Variants in CD79A observed in about 807,000 individuals in gnomAD.
CD79A encodes the protein CD79a molecule.
CD79A carries 16 observed loss-of-function variants against 27.4 expected under a neutral mutation model. The ratio of observed to expected loss-of-function variants is 0.58; its 90% CI spans 0.40 to 0.89. The LOEUF (loss-of-function observed/expected upper bound fraction) is 0.89, where lower values mean the gene tolerates loss of function less well. CD79A is among the 40% of genes least tolerant of loss of function. The pLI, the probability that CD79A is intolerant of heterozygous loss-of-function variation, is 0.00. For missense variants in CD79A, 237 were observed against 299.7 expected, an observed-to-expected ratio of 0.79 and a Z score of 1.55; for synonymous variants, 110 against 132.7, an observed-to-expected ratio of 0.83 and a Z score of 1.18.
Position 41,879,652 on chromosome 19 carries a change from G to C in CD79A, c.497G>C (p.Arg166Thr). ...GTGCCTGGGACGCTGCTGCTGTTCA[G>C]GGTGAGCCCCCTCGGACCTCTGAGT... ...AVVPGTLLLF[R>T]KRWQNEKLGL... The change falls in exon 3 of 5, where the codon AGG becomes ACG. Residue 166 changes from arginine (R) to threonine (T), a missense_variant and splice_region_variant. Coordinates refer to ENST00000221972, the MANE Select transcript of CD79A (RefSeq NM_001783.4). The surrounding 1 kb of genome is among the most constrained non-coding windows in gnomAD (Gnocchi z 5.1). 1.2e-6 allele frequency: 2 copies of C among 1,601,390 alleles called. No individual in the cohort carries two copies. The highest frequency in any genetic ancestry group is 1.7e-6 in the Non-Finnish European group (2 of 1,169,792).
Position 41,879,446 on chromosome 19 carries a change from G to A in CD79A, c.380-89G>A, listed in dbSNP as rs1555843651. Reference sequence around the variant, plus strand: ...CCTCTGCAGAGTGGGGTCTCTGGGGGGTCTGGGGCCTTGCAGGAGGTGGGC... The same window carrying A: ...CCTCTGCAGAGTGGGGTCTCTGGGGAGTCTGGGGCCTTGCAGGAGGTGGGC... On this transcript the variant is annotated intron_variant, in intron 2 of 4. Coordinates refer to ENST00000221972, the MANE Select transcript of CD79A (RefSeq NM_001783.4). The surrounding 1 kb of genome is among the most constrained non-coding windows in gnomAD (Gnocchi z 5.1). 3.2e-6 allele frequency: 4 copies of A among 1,232,998 alleles called. No homozygotes were observed. The highest frequency in any genetic ancestry group is 2.5e-5 in the East Asian group (1 of 40,384). 76.4% of individuals were successfully genotyped at this position (1,232,998 alleles called of 1,614,324 possible). A position where few individuals can be genotyped will look rare whatever the true frequency, so the allele number is the denominator to read the frequency against.
Position 41,878,392 on chromosome 19 carries a change from C to T in CD79A, c.80-598C>T, listed in dbSNP as rs1174419025. ...TGACTGCCTGGTGATGCTGGCAACC[C>T]GCCTGCCCTCCCAGAGCCTCAGCCA... On this transcript the variant is annotated intron_variant, in intron 1 of 4. Transcript: ENST00000221972. The surrounding 1 kb of genome is among the most constrained non-coding windows in gnomAD (Gnocchi z 4.3). Among the ~76,000 whole-genome samples, 2 of 152,164 alleles carry T rather than the reference C, an allele frequency of 1.3e-5. No homozygotes were observed. The highest frequency in any genetic ancestry group is 2.9e-5 in the Non-Finnish European group (2 of 68,026).
At chr19:41,880,500 GGAA>G (rs1302475582) in intron 3 of CD79A, among the ~76,000 whole-genome samples, 167 bp from the exon 4 acceptor site, 3 of 147,596 alleles carry the variant, frequency 2.0e-5, no homozygotes, top group Non-Finnish European at 3.0e-5. Flanking sequence ...AAGGAAGGAA[GGAA>G]GGAGAACACT....
chr19:41,879,547 G>C lies in CD79A; in HGVS notation c.392G>C (p.Arg131Thr), dbSNP rs1409146033. 1.2e-6 allele frequency: 2 copies of C among 1,607,554 alleles called. No individual in the cohort carries two copies. Among genetic ancestry groups the C allele is most frequent in the African/African-American group, 2.7e-5 (2 of 74,786 alleles). The change falls in exon 3 of 5, where the codon AGG (arginine) becomes ACG (threonine). Residue 131 changes from arginine to threonine, a missense_variant. Coordinates refer to ENST00000221972, the MANE Select transcript of CD79A (RefSeq NM_001783.4). This position sits in a 1 kb window ranked among gnomAD's most constrained non-coding sequence, Gnocchi z 5.1. ...TACCTCCTTGCAGAGCCGCCCCCCA[G>C]GCCCTTCCTGGACATGGGGGAGGGC... Reference protein sequence around the residue: ...TYLRVRQPPPRPFLDMGEGTK... With the variant: ...TYLRVRQPPPTPFLDMGEGTK...
At position 41,880,673 on chromosome 19, in the gene CD79A, C is replaced by T; in HGVS notation, c.502C>T (p.Arg168Ter). The T allele has an allele frequency of 2.9e-6, 2 of 681,132 alleles. No homozygotes were observed. Among genetic ancestry groups the T allele is most frequent in the Non-Finnish European group, 4.7e-6 (2 of 426,510 alleles). 42.2% of individuals were successfully genotyped at this position (681,132 alleles called of 1,614,324 possible). The change falls in exon 4 of 5, where the codon CGA (arginine) becomes TGA (stop). Residue 168 changes from arginine to a stop codon, truncating the protein, a stop_gained. Coordinates refer to ENST00000221972, the MANE Select transcript of CD79A (RefSeq NM_001783.4). LOFTEE classifies it high-confidence loss of function. ...CCCACCCCACCCACCCCTACAGAAA[C>T]GATGGCAGAACGAGAAGCTCGGGTT... is the stretch of plus-strand genomic sequence containing the variant. ...VPGTLLLFRK[R>*]WQNEKLGLDA... is the part of the protein sequence containing the mutation.
rs1489799471 is a variant in CD79A at position 41,879,789 on chromosome 19, T to C, written c.498+136T>C. On this transcript the variant is annotated intron_variant, in intron 3 of 4. Transcript: ENST00000221972. The surrounding 1 kb of genome is among the most constrained non-coding windows in gnomAD (Gnocchi z 5.1). ...ATGAAAGCACCCACCATATAGGGGC[T>C]GTGGGAGTTAAATGAATGAATATAA... is the stretch of plus-strand genomic sequence containing the variant. 1.6e-6 allele frequency: 1 copy of C among 631,176 alleles called. No individual in the cohort carries two copies. Among genetic ancestry groups the C allele is most frequent in the African/African-American group, 1.8e-5 (1 of 54,946 alleles). The allele number at this position is 631,176 out of a possible 1,614,324, so 39.1% of individuals were successfully genotyped here.
rs782206373 is a variant in CD79A at position 41,877,312 on chromosome 19, G to C, written c.8G>C (p.Gly3Ala). The change falls in exon 1 of 5, where the codon GGG (glycine) becomes GCG (alanine). Residue 3 changes from glycine to alanine, a missense_variant. Coordinates refer to ENST00000221972, the MANE Select transcript of CD79A (RefSeq NM_001783.4). The surrounding 1 kb of genome is among the most constrained non-coding windows in gnomAD (Gnocchi z 4.1). ...CCAACCCACTGGGAGAAGATGCCTGGGGGTCCAGGAGTCCTCCAAGCTCTG... is the reference window on the plus strand; with the variant it reads ...CCAACCCACTGGGAGAAGATGCCTGCGGGTCCAGGAGTCCTCCAAGCTCTG... MPGGPGVLQALPA... is the reference protein window; with the variant it reads MPAGPGVLQALPA... 8.1e-6 allele frequency: 13 copies of C among 1,613,906 alleles called. No homozygotes were observed. The highest frequency in any genetic ancestry group is 6.7e-5 in the African/African-American group (5 of 75,044).
rs1711837945 is a variant in CD79A, at chr19:41,879,991, C to T, written c.498+338C>T. ...GGTTACCCTCCAGGTGTAGCCAAGA[C>T]CAGGGAAGGTGGGGCCTGGTCCTCC... On this transcript the variant is annotated intron_variant, in intron 3 of 4. Coordinates refer to ENST00000221972, the MANE Select transcript of CD79A (RefSeq NM_001783.4). This position sits in a 1 kb window ranked among gnomAD's most constrained non-coding sequence, Gnocchi z 5.1. 6.6e-6 allele frequency among the ~76,000 whole-genome samples: 1 copy of T among 152,070 alleles called. No homozygotes were observed. The highest frequency in any genetic ancestry group is 2.4e-5 in the African/African-American group (1 of 41,394).
At chr19:41,880,645 G>GCTGGGCC in intron 3 of CD79A, 25 bp from the exon 4 acceptor site, 1 of 1,134,292 alleles carries the variant, frequency 8.8e-7, no homozygotes, top group Admixed American at 2.0e-5. Context: ...GCTCACTGAG[G>GCTGGGCC]CACCCACCCC....
chr19:41,880,515 G>C lies in CD79A; in HGVS notation c.499-155G>C, dbSNP rs150528456. On this transcript the variant is annotated intron_variant, in intron 3 of 4. Coordinates refer to ENST00000221972, the MANE Select transcript of CD79A (RefSeq NM_001783.4). ...AAGGAAGGAAGGAAGGAGAACACTG[G>C]TTGTAGACTCAGAGAGAACTGTTAC... Among the ~76,000 whole-genome samples, 142 of 149,958 alleles carry C rather than the reference G, an allele frequency of 9.5e-4. 1 individual carries two copies. Among genetic ancestry groups the C allele is most frequent in the Non-Finnish European group, 1.5e-3 (101 of 67,496 alleles).
At position 41,879,469 on chromosome 19, in the gene CD79A, G is replaced by T; in HGVS notation, c.380-66G>T. The T allele has an allele frequency of 7.6e-7, 1 of 1,307,594 alleles. No individual in the cohort carries two copies. 81.0% of individuals were successfully genotyped at this position (1,307,594 alleles called of 1,614,324 possible). A position where few individuals can be genotyped will look rare whatever the true frequency, so the allele number is the denominator to read the frequency against. On this transcript the variant is annotated intron_variant, in intron 2 of 4. Coordinates refer to ENST00000221972, the MANE Select transcript of CD79A (RefSeq NM_001783.4). The surrounding 1 kb of genome is among the most constrained non-coding windows in gnomAD (Gnocchi z 5.1). ...GGGGTCTGGGGCCTTGCAGGAGGTG[G>T]GCGGGGCCAGGAGGCTAGGGAGGGC...
rs2074210983 is a variant in CD79A at position 41,879,771 on chromosome 19, C to T, written c.498+118C>T. The T allele has an allele frequency of 3.0e-6, 2 of 677,586 alleles. No individual in the cohort carries two copies. Among genetic ancestry groups the T allele is most frequent in the Middle Eastern group, 3.5e-4 (1 of 2,890 alleles). The allele number at this position is 677,586 out of a possible 1,614,324, so 42.0% of individuals were successfully genotyped here. A position where few individuals can be genotyped will look rare whatever the true frequency, so the allele number is the denominator to read the frequency against. On this transcript the variant is annotated intron_variant, in intron 3 of 4. Transcript: ENST00000221972. This position sits in a 1 kb window ranked among gnomAD's most constrained non-coding sequence, Gnocchi z 5.1. The stretch of plus-strand genomic sequence containing the variant: ...CATCCAAAACTTGGGAGAATGAAAG[C>T]ACCCACCATATAGGGGCTGTGGGAG...
Position 41,877,459 on chromosome 19 carries a change from G to T in CD79A, c.79+76G>T, listed in dbSNP as rs2074195534. The T allele has an allele frequency of 1.7e-6, 2 of 1,204,480 alleles. No individual in the cohort carries two copies. Among genetic ancestry groups the T allele is most frequent in the African/African-American group, 1.5e-5 (1 of 66,950 alleles). The allele number at this position is 1,204,480 out of a possible 1,614,324, so 74.6% of individuals were successfully genotyped here. On this transcript the variant is annotated intron_variant, in intron 1 of 4. Transcript: ENST00000221972. This position sits in a 1 kb window ranked among gnomAD's most constrained non-coding sequence, Gnocchi z 4.1. Reference sequence around the variant, plus strand: ...GCTGCAGAGAGGGCACAGGCAGAGGGAAGGGGGCTCAGGGAAAGGGGAAGA... The same window carrying T: ...GCTGCAGAGAGGGCACAGGCAGAGGTAAGGGGGCTCAGGGAAAGGGGAAGA...
intron 3 of CD79A, among the ~76,000 whole-genome samples, chr19:41,880,391 AAGAGAGAGAGAGAG>A (rs370824087): frequency 1.6e-5 from 2 of 121,540 alleles, no homozygotes; most frequent in Non-Finnish European, 3.4e-5. Context: ...GAGAGAGAGA[AAGAGAGAGAGAGAG>A]AGAGAGAGAG....
rs1281115425 is a variant in CD79A, at chr19:41,879,483, G to A, written c.380-52G>A. 3.6e-6 allele frequency: 5 copies of A among 1,395,414 alleles called. No homozygotes were observed. The highest frequency in any genetic ancestry group is 1.8e-4 in the Middle Eastern group (1 of 5,596). The allele number at this position is 1,395,414 out of a possible 1,614,324, so 86.4% of individuals were successfully genotyped here. ...TGCAGGAGGTGGGCGGGGCCAGGAG[G>A]CTAGGGAGGGCAAGAGGGGCCAGGG... On this transcript the variant is annotated intron_variant, in intron 2 of 4. Transcript: ENST00000221972. The surrounding 1 kb of genome is among the most constrained non-coding windows in gnomAD (Gnocchi z 5.1).
rs2074197463 is a variant in CD79A, at chr19:41,877,761, C to A, written c.79+378C>A. On this transcript the variant is annotated intron_variant, in intron 1 of 4. Coordinates refer to ENST00000221972, the MANE Select transcript of CD79A (RefSeq NM_001783.4). The surrounding 1 kb of genome is among the most constrained non-coding windows in gnomAD (Gnocchi z 4.1). The stretch of plus-strand genomic sequence containing the variant: ...GTCTGTCAAGGGGAGAAAAAGCTTT[C>A]TCTGCCTTAAACCTCAGGTGCCTCT... Among the ~76,000 whole-genome samples the A allele has an allele frequency of 6.6e-6, 1 of 152,192 alleles. No individual in the cohort carries two copies. Among genetic ancestry groups the A allele is most frequent in the African/African-American group, 2.4e-5 (1 of 41,440 alleles).
chr19:41,880,841 T>C (rs1555844122), intron 4 of CD79A, 26 bp from the exon 5 acceptor site: 2 of 1,561,584 alleles, frequency 1.3e-6, no homozygotes, highest in Non-Finnish European at 1.7e-6. Context: ...AGGGTGCTGA[T>C]GTTCGCTGCC....
rs782610203 is a variant in CD79A, at chr19:41,879,332, G to T, written c.379+43G>T. The stretch of plus-strand genomic sequence containing the variant: ...GGCCCCTACTCCCACTGTCCCGCTG[G>T]GGACACTCGGTTTATCTTTGAAGTG... On this transcript the variant is annotated intron_variant, in intron 2 of 4. Transcript: ENST00000221972. This position sits in a 1 kb window ranked among gnomAD's most constrained non-coding sequence, Gnocchi z 5.1. 3 of 1,575,984 alleles carry T rather than the reference G, an allele frequency of 1.9e-6. No homozygotes were observed. Among genetic ancestry groups the T allele is most frequent in the Admixed American group, 3.5e-5 (2 of 57,662 alleles).
In CD79A at chr19:41,881,193, C is replaced by T; in HGVS notation, c.*213C>T. 1.6e-6 allele frequency: 1 copy of T among 618,694 alleles called. No homozygotes were observed. Among genetic ancestry groups the T allele is most frequent in the South Asian group, 1.8e-5 (1 of 55,156 alleles). 38.3% of individuals were successfully genotyped at this position (618,694 alleles called of 1,614,324 possible). On this transcript the variant is annotated 3_prime_UTR_variant, in exon 5 of 5. Coordinates refer to ENST00000221972, the MANE Select transcript of CD79A (RefSeq NM_001783.4). The stretch of plus-strand genomic sequence containing the variant: ...CCCACTCTTCTTCCCTCTAAACTGC[C>T]CCACCTCCTAACCTAATCCCCCCGC...
Sources: allele counts gnomAD v4.1 joint callset (sites outside exome capture counted in the v4.1 genomes callset), GRCh38; gene constraint gnomAD v4.1.1; non-coding constraint Gnocchi (gnomAD v3.1); transcripts MANE v1.5; gene names NCBI Gene and HGNC (gene_info 2026-07-23, HGNC 2026-07-21).